Variants in RIT2 observed in about 807,000 individuals in gnomAD.
RIT2 encodes the protein Ras like without CAAX 2.
A neutral mutation model predicts 23.7 loss-of-function variants in RIT2; 24 were observed. That is an observed-to-expected ratio of 1.01 (90% CI 0.73 to 1.43). The LOEUF (loss-of-function observed/expected upper bound fraction) is 1.43. RIT2 is among the 40% of genes most tolerant of loss of function. The pLI is 0.00. For missense variants in RIT2, 236 were observed against 266.9 expected (o/e 0.88, Z 0.81); for synonymous variants, 107 against 91.1 (o/e 1.17, Z -0.99).
At chr18:42,928,441 A>G (rs1236082601) in intron 3 of RIT2, among the ~76,000 whole-genome samples, 1 of 152,062 alleles carries the variant, frequency 6.6e-6, no homozygotes, top group Non-Finnish European at 1.5e-5. Flanking sequence ...ACTTCCAAAG[A>G]TTATGTATAG....
chr18:42,747,379 C>T (rs534606342), intron 4 of RIT2, among the ~76,000 whole-genome samples: 3 of 152,146 alleles, frequency 2.0e-5, no homozygotes, highest in East Asian at 3.9e-4. Context: ...AACTACAGAA[C>T]ACTGTTCAAA....
chr18:42,910,920 A>C (rs2144118696), intron 4 of RIT2, among the ~76,000 whole-genome samples: 1 of 152,286 alleles, frequency 6.6e-6, no homozygotes, highest in Non-Finnish European at 1.5e-5. Context: ...ATAGCGAATA[A>C]TGAAACATTA....
chr18:42,750,720 A>G (rs1248144525), intron 4 of RIT2, among the ~76,000 whole-genome samples: 3 of 151,858 alleles, frequency 2.0e-5, no homozygotes, highest in Admixed American at 2.0e-4. Flanking sequence ...AATCTAACCA[A>G]TCAGATGACA....
chr18:42,947,036 G>A (rs1285706256), intron 3 of RIT2, among the ~76,000 whole-genome samples: 2 of 152,058 alleles, frequency 1.3e-5, no homozygotes, highest in Non-Finnish European at 2.9e-5. Context: ...ACATAACTTA[G>A]ATGAAAATTA....
At chr18:42,930,414 G>GA (rs1909298457) in intron 3 of RIT2, among the ~76,000 whole-genome samples, 1 of 151,878 alleles carries the variant, frequency 6.6e-6, no homozygotes, top group Admixed American at 6.6e-5. Flanking sequence ...AAAAGGACAT[G>GA]AAAAACGTAT....
At chr18:42,774,245 T>C (rs1384703777) in intron 4 of RIT2, among the ~76,000 whole-genome samples, 1 of 152,168 alleles carries the variant, frequency 6.6e-6, no homozygotes, top group Non-Finnish European at 1.5e-5. Flanking sequence ...GACTCAATGG[T>C]GGTTTCTTTG....
At chr18:42,995,621 G>T (rs975158110) in intron 2 of RIT2, among the ~76,000 whole-genome samples, 8 of 152,026 alleles carry the variant, frequency 5.3e-5, no homozygotes, top group Non-Finnish European at 7.4e-5. Flanking sequence ...AAGGTACAAC[G>T]GACTAATGGT....
intron 4 of RIT2, among the ~76,000 whole-genome samples, chr18:42,784,075 G>T (rs1913871828): frequency 6.6e-6 from 1 of 151,872 alleles, no homozygotes; most frequent in Non-Finnish European, 1.5e-5. Context: ...TTGGAGTGAG[G>T]GTAGTTGTAC....
intron 4 of RIT2, among the ~76,000 whole-genome samples, chr18:42,763,125 T>C (rs2143903103): frequency 6.6e-6 from 1 of 152,282 alleles, no homozygotes; most frequent in Admixed American, 6.5e-5. Context: ...TATTGTCTAT[T>C]TAAACAAAAG....
chr18:42,891,302 A>G (rs1908168144), intron 4 of RIT2, among the ~76,000 whole-genome samples: 1 of 152,180 alleles, frequency 6.6e-6, no homozygotes, highest in Non-Finnish European at 1.5e-5. Context: ...ACATTCTTTC[A>G]CTGAACTGTC....
intron 4 of RIT2, among the ~76,000 whole-genome samples, chr18:42,845,723 A>G (rs994610236): frequency 2.6e-5 from 4 of 151,124 alleles, no homozygotes; most frequent in African/African-American, 9.7e-5. Context: ...CAAATGTGCA[A>G]TTAAGCTAGA....
rs149999495 is a variant in RIT2, at chr18:42,841,469, A to G, written c.426+82103T>C. 5.0e-4 allele frequency among the ~76,000 whole-genome samples: 76 copies of G among 152,330 alleles called. No homozygotes were observed. The South Asian group carries it at 0.013, about 25-fold the overall frequency. On this transcript the variant is annotated intron_variant, in intron 4 of 4. Transcript: ENST00000326695. ...TGAAATTCAATTTCTAGAAAACAGT[A>G]TTTCCTCCTCTTGATGGTTTGCTTC...
At chr18:43,099,967 T>G (rs1434861427) in intron 1 of RIT2, among the ~76,000 whole-genome samples, 1 of 152,082 alleles carries the variant, frequency 6.6e-6, no homozygotes, top group African/African-American at 2.4e-5. Context: ...ATAAATACAT[T>G]GAAGCTTCAC....
intron 4 of RIT2, among the ~76,000 whole-genome samples, chr18:42,884,760 G>C (rs1440066850): frequency 6.6e-6 from 1 of 152,188 alleles, no homozygotes; most frequent in Non-Finnish European, 1.5e-5. Flanking sequence ...TCAGTTAAGT[G>C]AAGTGAGAGA....
intron 2 of RIT2, among the ~76,000 whole-genome samples, chr18:43,027,729 C>G (rs536059920): frequency 1.3e-5 from 2 of 152,020 alleles, no homozygotes; most frequent in South Asian, 4.2e-4. Flanking sequence ...CCATTAAAAG[C>G]CTATTTAAGA....
At chr18:42,878,738 C>G (rs780274077) in intron 4 of RIT2, among the ~76,000 whole-genome samples, 12 of 151,906 alleles carry the variant, frequency 7.9e-5, no homozygotes, top group Non-Finnish European at 1.6e-4. Context: ...CACTACAAAC[C>G]ATACTTACAT....
At chr18:43,092,199 C>A (rs1253493863) in intron 1 of RIT2, among the ~76,000 whole-genome samples, 1 of 152,220 alleles carries the variant, frequency 6.6e-6, no homozygotes, top group South Asian at 2.1e-4. Context: ...GCAGTTACCT[C>A]TCCCCAGGAA....
intron 4 of RIT2, among the ~76,000 whole-genome samples, chr18:42,844,650 A>C (rs1906858409): frequency 6.7e-6 from 1 of 149,016 alleles, no homozygotes. Flanking sequence ...TTATAGGCAC[A>C]GGATAGGCAG....
At chr18:42,753,001 CGAA>C (rs1304863909) in intron 4 of RIT2, among the ~76,000 whole-genome samples, 1 of 152,050 alleles carries the variant, frequency 6.6e-6, no homozygotes, top group Non-Finnish European at 1.5e-5. Context: ...CCTTTTTCAC[CGAA>C]GAAGATCACC....
Sources: allele counts gnomAD v4.1 joint callset (sites outside exome capture counted in the v4.1 genomes callset), GRCh38; gene constraint gnomAD v4.1.1; transcripts MANE v1.5; gene names NCBI Gene and HGNC (gene_info 2026-07-23, HGNC 2026-07-21).